DNAJC17: variants seen among roughly 807,000 people sequenced by gnomAD.
DNAJC17 encodes DnaJ heat shock protein family (Hsp40) member C17.
A neutral mutation model predicts 48.1 loss-of-function variants in DNAJC17; 35 were observed. The ratio of observed to expected loss-of-function variants is 0.73; its 90% CI spans 0.56 to 0.96. DNAJC17 has a LOEUF of 0.96. DNAJC17 is among the 50% of genes least tolerant of loss of function. The pLI is 0.00. For missense variants in DNAJC17, 355 were observed against 377.1 expected (o/e 0.94, Z 0.48); for synonymous variants, 117 against 142.7 (o/e 0.82, Z 1.28).
chr15:40,782,950 C>T (rs1484607094), intron 1 of DNAJC17, among the ~76,000 whole-genome samples: 1 of 152,042 alleles, frequency 6.6e-6, no homozygotes, highest in Non-Finnish European at 1.5e-5. Context: ...TTCCCAATCG[C>T]CCACCGAAGC....
intron 10 of DNAJC17, chr15:40,771,002 T>A: frequency 6.4e-7 from 1 of 1,550,826 alleles, no homozygotes; most frequent in Non-Finnish European, 8.7e-7. Flanking sequence ...GGGAGCAGTT[T>A]CCTAGCGAGC....
chr15:40,777,061 C>T (rs1191241957), intron 4 of DNAJC17, among the ~76,000 whole-genome samples: 1 of 152,140 alleles, frequency 6.6e-6, no homozygotes, highest in Non-Finnish European at 1.5e-5. Context: ...CTTTACCTCC[C>T]ACCTCAACTC....
At chr15:40,781,360 C>T (rs1596083335) in intron 1 of DNAJC17, among the ~76,000 whole-genome samples, 1 of 151,318 alleles carries the variant, frequency 6.6e-6, no homozygotes, top group East Asian at 2.0e-4. Flanking sequence ...ATTAGCCGGG[C>T]ATGGTGGCGT....
chr15:40,784,323 A>C (rs751776801), intron 1 of DNAJC17, among the ~76,000 whole-genome samples: 1 of 151,678 alleles, frequency 6.6e-6, no homozygotes, highest in Non-Finnish European at 1.5e-5. Context: ...TCTGAATTTT[A>C]TTCTAAGGGA....
chr15:40,773,707 G>A lies in DNAJC17; in HGVS notation c.792+20C>T. On this transcript the variant is annotated intron_variant, in intron 10 of 10. Coordinates refer to ENST00000220496, the MANE Select transcript of DNAJC17 (RefSeq NM_018163.3). ...GCTCCGAGACCTGAGCGCCCAGCCG[G>A]GCGAGGCCTGACTCCTCACCTTTGA... 1 of 1,601,182 alleles carries A rather than the reference G, an allele frequency of 6.2e-7. No individual in the cohort carries two copies. Among genetic ancestry groups the A allele is most frequent in the South Asian group, 1.1e-5 (1 of 89,982 alleles).
intron 1 of DNAJC17, among the ~76,000 whole-genome samples, chr15:40,801,478 T>C (rs1186568415): frequency 2.0e-5 from 3 of 151,978 alleles, no homozygotes; most frequent in Non-Finnish European, 2.9e-5. Flanking sequence ...GAGTATTGGC[T>C]GGGTGCGGTG....
intron 1 of DNAJC17, among the ~76,000 whole-genome samples, chr15:40,805,105 T>C (rs950891306): frequency 1.3e-5 from 2 of 150,770 alleles, no homozygotes; most frequent in Non-Finnish European, 3.0e-5. Context: ...AGGCAGGGCA[T>C]AGTGGCTCAC....
At chr15:40,783,625 A>T (rs1889562015) in intron 1 of DNAJC17, among the ~76,000 whole-genome samples, 1 of 152,180 alleles carries the variant, frequency 6.6e-6, no homozygotes, top group African/African-American at 2.4e-5. Flanking sequence ...TCGCTGTGGG[A>T]GGCCGAGGTG....
chr15:40,766,138 T>G lies in DNAJC17; in HGVS notation c.*1802A>C. Reference sequence around the variant, plus strand: ...CTTGCTCTGAAAGCTTTCCACATCCTTACTGGAACCGCAGAAACAGAGTCC... The same window carrying G: ...CTTGCTCTGAAAGCTTTCCACATCCGTACTGGAACCGCAGAAACAGAGTCC... On this transcript the variant is annotated 3_prime_UTR_variant, in exon 11 of 11. Transcript: ENST00000220496. 1 of 388,256 alleles carries G rather than the reference T, an allele frequency of 2.6e-6. No homozygotes were observed. Among genetic ancestry groups the G allele is most frequent in the Non-Finnish European group, 4.7e-6 (1 of 214,682 alleles). 24.1% of individuals were successfully genotyped at this position (388,256 alleles called of 1,614,324 possible). A position where few individuals can be genotyped will look rare whatever the true frequency, so the allele number is the denominator to read the frequency against.
At chr15:40,775,162 C>A in intron 7 of DNAJC17, 54 bp from the exon 8 acceptor site, 3 of 1,582,260 alleles carry the variant, frequency 1.9e-6, no homozygotes, top group South Asian at 2.2e-5. Context: ...TACCTCACCC[C>A]ACGACTGAGC....
chr15:40,803,781 C>A (rs1429715362), intron 1 of DNAJC17, among the ~76,000 whole-genome samples: 2 of 152,088 alleles, frequency 1.3e-5, no homozygotes, highest in Non-Finnish European at 2.9e-5. Flanking sequence ...AGGAGCAGCA[C>A]CTGTTACCCT....
At chr15:40,774,484 G>A (rs537866068) in intron 8 of DNAJC17, 48 bp from the exon 9 acceptor site, 2 of 1,604,184 alleles carry the variant, frequency 1.2e-6, no homozygotes, top group South Asian at 1.1e-5. Flanking sequence ...CCTTCAGGAT[G>A]GCCCAGGTCA....
intron 4 of DNAJC17, 56 bp from the exon 5 acceptor site, chr15:40,776,683 T>C: frequency 1.3e-6 from 2 of 1,580,948 alleles, no homozygotes; most frequent in Non-Finnish European, 1.7e-6. Flanking sequence ...CCATGTGGCC[T>C]CGGCCCACCC....
chr15:40,779,970 G>C lies in DNAJC17; in HGVS notation c.106C>G (p.Leu36Val), dbSNP rs929683794. ...GGATTTTTGTCTGGGTGGCAGGAGA[G>C]GGCCTTCTGCCTATACGCCTTCTTT... ...EVKKAYRQKA[L>V]SCHPDKNPDN... The change falls in exon 2 of 11, where the codon CTC becomes GTC. Residue 36 changes from leucine to valine, a missense_variant. Leu to Val is a conservative substitution (Grantham distance 32). Transcript: ENST00000220496. 1 of 1,614,126 alleles carries C rather than the reference G, an allele frequency of 6.2e-7. No individual in the cohort carries two copies. The highest frequency in any genetic ancestry group is 2.2e-5 in the East Asian group (1 of 44,880).
intron 1 of DNAJC17, among the ~76,000 whole-genome samples, chr15:40,801,577 C>T (rs2141964854): frequency 6.6e-6 from 1 of 151,986 alleles, no homozygotes; most frequent in Admixed American, 6.6e-5. Context: ...AATGGTGAAA[C>T]CCCGTCTCTA....
At chr15:40,800,792 C>T (rs1890056508) in intron 1 of DNAJC17, among the ~76,000 whole-genome samples, 1 of 151,896 alleles carries the variant, frequency 6.6e-6, no homozygotes, top group African/African-American at 2.4e-5. Context: ...AACCACATCT[C>T]CACTAAAAAT....
chr15:40,800,914 C>T (rs988238250), intron 1 of DNAJC17, among the ~76,000 whole-genome samples: 3 of 150,200 alleles, frequency 2.0e-5, no homozygotes, highest in African/African-American at 4.9e-5. Flanking sequence ...GCCGAGATTG[C>T]GCCACCATGC....
chr15:40,788,695 CAAAAAAA>C (rs34840348), intron 1 of DNAJC17, among the ~76,000 whole-genome samples: 1 of 116,790 alleles, frequency 8.6e-6, no homozygotes, highest in African/African-American at 3.4e-5. Context: ...GACTCTGTCT[CAAAAAAA>C]AAAAAAAAAA....
intron 10 of DNAJC17, among the ~76,000 whole-genome samples, chr15:40,768,740 G>C (rs1303600355): frequency 2.6e-5 from 4 of 152,228 alleles, no homozygotes; most frequent in African/African-American, 9.6e-5. Flanking sequence ...CTCTACAGCG[G>C]GACCTAAGCT....
Sources: allele counts gnomAD v4.1 joint callset (sites outside exome capture counted in the v4.1 genomes callset), GRCh38; gene constraint gnomAD v4.1.1; transcripts MANE v1.5; gene names NCBI Gene and HGNC (gene_info 2026-07-23, HGNC 2026-07-21).